The following ANK3 variants were observed in gnomAD, a reference collection of about 807,000 sequenced individuals.
ANK3 encodes ankyrin 3.
Under a neutral mutation model 370.9 loss-of-function variants are expected in ANK3, and 57 were observed. The observed-to-expected ratio is 0.15, with a 90% CI of 0.12 to 0.19. The LOEUF is 0.19. ANK3 is among the 10% of genes least tolerant of loss of function. ANK3 has a pLI of 1.00. For synonymous variants in ANK3, 1,929 were observed against 1,946.3 expected (o/e 0.99, Z 0.23); for missense variants, 4,439 against 5,302.1 (o/e 0.84, Z 5.06).
chr10:60,196,496 G>T, intron 15 of ANK3, 31 bp downstream of exon 15: 1 of 1,416,008 alleles, frequency 7.1e-7, no homozygotes, highest in Non-Finnish European at 9.9e-7. Context: ...CGTGGAAGTG[G>T]CCTGCTTCAG....
At chr10:60,407,444 G>T (rs1036696845) in intron 2 of ANK3, among the ~76,000 whole-genome samples, 1 of 152,130 alleles carries the variant, frequency 6.6e-6, no homozygotes, top group Non-Finnish European at 1.5e-5. Context: ...ACAAAGTTGC[G>T]AGGGTATATG....
intron 8 of ANK3, among the ~76,000 whole-genome samples, chr10:60,217,712 G>C (rs991670505): frequency 6.6e-6 from 1 of 152,230 alleles, no homozygotes; most frequent in Non-Finnish European, 1.5e-5. Context: ...ATGTGGCACA[G>C]AGAAGAATGT....
At chr10:60,560,426 C>T (rs1466984624) in intron 2 of ANK3, among the ~76,000 whole-genome samples, 1 of 152,142 alleles carries the variant, frequency 6.6e-6, no homozygotes, top group African/African-American at 2.4e-5. Flanking sequence ...TTGAATTCAT[C>T]AAAAGCCATA....
intron 2 of ANK3, among the ~76,000 whole-genome samples, chr10:60,402,755 C>CA (rs2063377640): frequency 6.6e-6 from 1 of 152,136 alleles, no homozygotes; most frequent in South Asian, 2.1e-4. Flanking sequence ...CATCACCCCC[C>CA]ACCCCAGACA....
chr10:60,618,424 A>G (rs1173392830), intron 1 of ANK3, among the ~76,000 whole-genome samples: 1 of 152,172 alleles, frequency 6.6e-6, no homozygotes, highest in African/African-American at 2.4e-5. Flanking sequence ...ATGGGAAAGC[A>G]AATTAGTAGG....
At chr10:60,345,769 T>C (rs2132674561) in intron 1 of ANK3, among the ~76,000 whole-genome samples, 1 of 152,220 alleles carries the variant, frequency 6.6e-6, no homozygotes, top group Non-Finnish European at 1.5e-5. Flanking sequence ...ATATTCTTAA[T>C]AAAAATACTC....
At chr10:60,375,960 C>G (rs1389846273) in intron 1 of ANK3, among the ~76,000 whole-genome samples, 2 of 152,162 alleles carry the variant, frequency 1.3e-5, no homozygotes, top group Non-Finnish European at 2.9e-5. Flanking sequence ...TTTGTTGAAT[C>G]ACTGCATTGG....
At chr10:60,656,420 A>G (rs763346741) in intron 1 of ANK3, among the ~76,000 whole-genome samples, 17 of 151,608 alleles carry the variant, frequency 1.1e-4, no homozygotes, top group Non-Finnish European at 2.2e-4. Context: ...CTAGTTAGAG[A>G]TTCATCAATG....
In ANK3 at chr10:60,076,014, GAGA is replaced by G; in HGVS notation, c.4864_4866del (p.Ser1622del). ...CCTGCTGTAGTCACTGGAGAGGTTC[GAGA>G]GGAAAACGTAGAATTGGATGCCAGC... On this transcript the variant is annotated inframe_deletion, in exon 37 of 44. Coordinates refer to ENST00000280772, the MANE Select transcript of ANK3 (RefSeq NM_020987.5). The G allele has an allele frequency of 6.2e-7, 1 of 1,614,206 alleles. No individual in the cohort carries two copies. The highest frequency in any genetic ancestry group is 8.5e-7 in the Non-Finnish European group (1 of 1,180,030).
chr10:60,395,596 C>CTTTCTTTCTT (rs1555367196), intron 2 of ANK3, among the ~76,000 whole-genome samples: 82 of 123,962 alleles, frequency 6.6e-4, no homozygotes, highest in African/African-American at 2.7e-3. Flanking sequence ...TTCTTTCTTT[C>CTTTCTTTCTT]TTTCTTTCTT....
intron 9 of ANK3, among the ~76,000 whole-genome samples, chr10:60,209,061 T>G (rs1210821855): frequency 6.6e-6 from 1 of 152,200 alleles, no homozygotes; most frequent in Non-Finnish European, 1.5e-5. Context: ...AGAATGACAC[T>G]GGCACTCAAT....
At chr10:60,419,725 T>C (rs2063740087) in intron 2 of ANK3, among the ~76,000 whole-genome samples, 2 of 152,146 alleles carry the variant, frequency 1.3e-5, no homozygotes, top group Admixed American at 1.3e-4. Context: ...GGACCTACCT[T>C]TTTAAAAGAG....
At chr10:60,563,213 G>T (rs748503342) in intron 2 of ANK3, among the ~76,000 whole-genome samples, 2 of 152,148 alleles carry the variant, frequency 1.3e-5, no homozygotes, top group Non-Finnish European at 2.9e-5. Flanking sequence ...GCAGTTTTCT[G>T]TTAGAGTGCT....
chr10:60,309,079 A>G (rs1171625862), intron 1 of ANK3, among the ~76,000 whole-genome samples: 4 of 152,212 alleles, frequency 2.6e-5, no homozygotes, highest in African/African-American at 9.7e-5. Context: ...GAAAAGATAC[A>G]AAAGAATAAA....
chr10:60,517,519 GTATGTAT>G (rs2133175014), intron 2 of ANK3, among the ~76,000 whole-genome samples: 1 of 152,188 alleles, frequency 6.6e-6, no homozygotes, highest in East Asian at 1.9e-4. Flanking sequence ...GGGGCCACGT[GTATGTAT>G]TTATTACCTG....
chr10:60,422,366 A>G (rs2063796931), intron 2 of ANK3, among the ~76,000 whole-genome samples: 1 of 152,136 alleles, frequency 6.6e-6, no homozygotes, highest in East Asian at 1.9e-4. Context: ...TGTTATTAGC[A>G]ATGTAAATTT....
Position 60,279,802 on chromosome 10 carries a change from T to G in ANK3, c.115-163A>C, listed in dbSNP as rs533403278. Among the ~76,000 whole-genome samples the G allele has an allele frequency of 2.0e-5, 3 of 152,288 alleles. No individual in the cohort carries two copies. In the South Asian group the frequency reaches 6.2e-4, roughly 32 times the overall value. On this transcript the variant is annotated intron_variant, in intron 1 of 43. Coordinates refer to ENST00000280772, the MANE Select transcript of ANK3 (RefSeq NM_020987.5). Reference sequence around the variant, plus strand: ...AAAAAGAACCAAGAAAAGGACACATTTTTTAAAAGTTAGTTTCAAGGGTAC... The same window carrying G: ...AAAAAGAACCAAGAAAAGGACACATGTTTTAAAAGTTAGTTTCAAGGGTAC...
At chr10:60,246,795 G>A (rs982603283) in intron 7 of ANK3, among the ~76,000 whole-genome samples, 1 of 152,132 alleles carries the variant, frequency 6.6e-6, no homozygotes, top group Non-Finnish European at 1.5e-5. Flanking sequence ...GTCTTCCTTC[G>A]GTTCTCAAGT....
At chr10:60,690,377 C>G (rs951560796) in intron 1 of ANK3, among the ~76,000 whole-genome samples, 2 of 152,080 alleles carry the variant, frequency 1.3e-5, no homozygotes, top group African/African-American at 4.8e-5. Context: ...CGGGACACTC[C>G]CACCCTAATA....
Sources: gnomAD v4.1 joint callset for allele counts (sites outside exome capture counted in the v4.1 genomes callset) on GRCh38, gnomAD v4.1.1 for gene constraint, MANE v1.5 for transcripts, NCBI Gene and HGNC (gene_info 2026-07-23, HGNC 2026-07-21) for gene names.